TAFA5: variants seen among roughly 807,000 people sequenced by gnomAD.
TAFA5 encodes chemokine-like protein TAFA-5.
In TAFA5, 6 loss-of-function variants were observed where a neutral mutation model predicts 15.3. The observed-to-expected ratio is 0.39, with a 90% CI of 0.21 to 0.77. The LOEUF (loss-of-function observed/expected upper bound fraction) is 0.77. TAFA5 is among the 30% of genes least tolerant of loss of function. TAFA5 has a pLI of 0.41. For missense variants in TAFA5, 161 were observed against 193.1 expected (o/e 0.83, Z 0.98); for synonymous variants, 103 against 80.7 (o/e 1.28, Z -1.48).
intron 2 of TAFA5, among the ~76,000 whole-genome samples, chr22:48,670,698 C>A (rs548446218): frequency 6.6e-6 from 1 of 152,228 alleles, no homozygotes; most frequent in African/African-American, 2.4e-5. Flanking sequence ...GCAATTTTGC[C>A]GTCTCATCAG....
intron 2 of TAFA5, among the ~76,000 whole-genome samples, chr22:48,671,715 C>T (rs1035270241): frequency 2.0e-5 from 3 of 152,190 alleles, no homozygotes; most frequent in Non-Finnish European, 2.9e-5. Flanking sequence ...GTCCTGGAAA[C>T]ACAAGCAAAC....
At chr22:48,614,768 C>T (rs28553385) in intron 1 of TAFA5, among the ~76,000 whole-genome samples, 28,891 of 152,194 alleles carry the variant, frequency 0.19, 2,917 homozygotes, top group Non-Finnish European at 0.22. Context: ...CCGAGAGCTT[C>T]GTTCACACCT....
chr22:48,542,137 A>ATGTGTGTGTGTGTGG (rs1343061011), intron 1 of TAFA5, among the ~76,000 whole-genome samples: 8 of 86,176 alleles, frequency 9.3e-5, no homozygotes, highest in African/African-American at 3.8e-4. Flanking sequence ...TGTGATGTGT[A>ATGTGTGTGTGTGTGG]TGTGTGTGTG....
intron 1 of TAFA5, among the ~76,000 whole-genome samples, chr22:48,589,387 C>T (rs1924477306): frequency 6.6e-6 from 1 of 152,054 alleles, no homozygotes; most frequent in African/African-American, 2.4e-5. Flanking sequence ...ACAGAGCCAC[C>T]TGGAAACCAG....
At chr22:48,699,324 G>A (rs772151500) in intron 2 of TAFA5, among the ~76,000 whole-genome samples, 6 of 152,156 alleles carry the variant, frequency 3.9e-5, no homozygotes, top group Admixed American at 1.3e-4. Flanking sequence ...CACAAAGCTG[G>A]GAGCCCTTAC....
chr22:48,660,467 C>T (rs1361343234), intron 2 of TAFA5, among the ~76,000 whole-genome samples: 2 of 152,220 alleles, frequency 1.3e-5, no homozygotes, highest in Non-Finnish European at 2.9e-5. Flanking sequence ...AAATCTTGGA[C>T]AGGTTGTAAG....
intron 1 of TAFA5, among the ~76,000 whole-genome samples, chr22:48,574,785 G>A (rs1156548700): frequency 1.3e-5 from 2 of 152,210 alleles, no homozygotes; most frequent in South Asian, 4.1e-4. Flanking sequence ...CTGGGCTCTG[G>A]GGCGAACCCC....
intron 1 of TAFA5, among the ~76,000 whole-genome samples, chr22:48,637,088 G>A (rs1221883493): frequency 6.6e-6 from 1 of 150,732 alleles, no homozygotes; most frequent in Non-Finnish European, 1.5e-5. Context: ...GTCTGCAGGT[G>A]AGCAGCCTTT....
chr22:48,708,788 G>A (rs1047095186), intron 3 of TAFA5, among the ~76,000 whole-genome samples: 3 of 152,200 alleles, frequency 2.0e-5, no homozygotes, highest in East Asian at 3.9e-4. Context: ...CCTGGCATCC[G>A]AGCCTCCTCC....
chr22:48,570,314 G>A (rs527930980), intron 1 of TAFA5, among the ~76,000 whole-genome samples: 77 of 152,326 alleles, frequency 5.1e-4, no homozygotes, highest in African/African-American at 1.7e-3. Context: ...TTATATGAAT[G>A]TAACACAATT....
chr22:48,679,988 A>T (rs968363457), intron 2 of TAFA5, among the ~76,000 whole-genome samples: 3 of 152,146 alleles, frequency 2.0e-5, no homozygotes, highest in African/African-American at 7.2e-5. Flanking sequence ...CCCACTTGTA[A>T]ATGTTATCCC....
At chr22:48,746,524 G>T (rs1193977609) in intron 3 of TAFA5, among the ~76,000 whole-genome samples, 1 of 152,158 alleles carries the variant, frequency 6.6e-6, no homozygotes, top group African/African-American at 2.4e-5. Context: ...ATGCTCACGT[G>T]GTGCTGGCTC....
intron 1 of TAFA5, among the ~76,000 whole-genome samples, chr22:48,549,683 A>G (rs1181248738): frequency 6.6e-6 from 1 of 152,154 alleles, no homozygotes; most frequent in Non-Finnish European, 1.5e-5. Context: ...TGGCAGGGCC[A>G]GGGCCAGGCT....
At chr22:48,607,266 C>T (rs185118194) in intron 1 of TAFA5, among the ~76,000 whole-genome samples, 1 of 143,716 alleles carries the variant, frequency 7.0e-6, no homozygotes, top group African/African-American at 2.6e-5. Context: ...CCACCCATCC[C>T]AGGTACCTCA....
At chr22:48,577,022 G>T (rs1923836743) in intron 1 of TAFA5, among the ~76,000 whole-genome samples, 1 of 152,174 alleles carries the variant, frequency 6.6e-6, no homozygotes, top group South Asian at 2.1e-4. Flanking sequence ...GCTGGGACCC[G>T]CGGACGTCGG....
intron 1 of TAFA5, among the ~76,000 whole-genome samples, chr22:48,519,663 C>T (rs1415411077): frequency 6.6e-6 from 1 of 152,062 alleles, no homozygotes; most frequent in Non-Finnish European, 1.5e-5. Flanking sequence ...AAACTGGGGG[C>T]GGTGGCGGGC....
At chr22:48,605,326 G>A (rs866053882) in intron 1 of TAFA5, among the ~76,000 whole-genome samples, 11,381 of 132,532 alleles carry the variant, frequency 0.086, 723 homozygotes, top group Non-Finnish European at 0.11. Flanking sequence ...TGATGGTGAT[G>A]ATGGTGATGA....
At chr22:48,647,421 A>G (rs1363934755) in intron 2 of TAFA5, among the ~76,000 whole-genome samples, 1 of 152,114 alleles carries the variant, frequency 6.6e-6, no homozygotes, top group Admixed American at 6.5e-5. Flanking sequence ...GGAGCCTGTC[A>G]TCTGGTAGGG....
At chr22:48,728,855 C>A in intron 3 of TAFA5, among the ~76,000 whole-genome samples, 1 of 152,246 alleles carries the variant, frequency 6.6e-6, no homozygotes, top group East Asian at 1.9e-4. Context: ...TGTGGTTTTA[C>A]TTCTTTACAT....
Sources: gnomAD v4.1 joint callset for allele counts (sites outside exome capture counted in the v4.1 genomes callset) on GRCh38, gnomAD v4.1.1 for gene constraint, MANE v1.5 for transcripts, NCBI Gene and HGNC (gene_info 2026-07-23, HGNC 2026-07-21) for gene names.